GNB1: variants seen among roughly 807,000 people sequenced by gnomAD.
The protein encoded by GNB1 is G protein subunit beta 1, also known as guanine nucleotide-binding protein G(I)/G(S)/G(T) subunit beta-1.
In GNB1, 2 loss-of-function variants were observed where a neutral mutation model predicts 42.9. The observed-to-expected ratio is 0.05, with a 90% CI of 0.02 to 0.15. GNB1 has a LOEUF of 0.15. GNB1 is among the 10% of genes least tolerant of loss of function. The pLI is 1.00. For synonymous variants in GNB1, 183 were observed against 174.7 expected (o/e 1.05, Z -0.38); for missense variants, 193 against 462.2 (o/e 0.42, Z 5.34).
chr1:1,890,225 T>C (rs979237600), intron 1 of GNB1: 9 of 152,154 alleles, frequency 5.9e-5, no homozygotes, highest in African/African-American at 1.9e-4. Context: ...CCGAAACCGT[T>C]ATTTTCCCAT....
intron 7 of GNB1, among the ~76,000 whole-genome samples, chr1:1,796,399 G>A (rs922198451): frequency 6.6e-6 from 1 of 152,216 alleles, no homozygotes; most frequent in Non-Finnish European, 1.5e-5. Flanking sequence ...AAATACCTGG[G>A]CTCCACTGTC....
chr1:1,889,725 G>C (rs192624980), intron 1 of GNB1, among the ~76,000 whole-genome samples: 2 of 151,172 alleles, frequency 1.3e-5, no homozygotes, highest in African/African-American at 4.9e-5. Flanking sequence ...TACTGCTTCT[G>C]CATGCTAACC....
chr1:1,832,402 T>A (rs1647089301), intron 2 of GNB1: 1 of 152,192 alleles, frequency 6.6e-6, no homozygotes, highest in Non-Finnish European at 1.5e-5. Flanking sequence ...TAAGACAGGC[T>A]CTGCTAAGGC....
At chr1:1,827,300 C>G (rs770795996) in intron 2 of GNB1, among the ~76,000 whole-genome samples, 3 of 152,222 alleles carry the variant, frequency 2.0e-5, no homozygotes, top group Non-Finnish European at 2.9e-5. Context: ...CACGAGCACG[C>G]AGACCAGGCA....
Position 1,825,604 on chromosome 1 carries a change from C to A in GNB1, c.-46-105G>T. The A allele has an allele frequency of 7.3e-6, 5 of 683,952 alleles. No homozygotes were observed. The South Asian group carries it at 7.9e-5, about 11-fold the overall frequency. 42.4% of individuals were successfully genotyped at this position (683,952 alleles called of 1,614,324 possible). On this transcript the variant is annotated intron_variant, in intron 2 of 11. Coordinates refer to ENST00000378609, the MANE Select transcript of GNB1 (RefSeq NM_002074.5). ...TTTAAGGTGGGCGTGGTGGCTCAAG[C>A]CTGTAATCCCAGCACTTTGGGAGGC...
chr1:1,788,627 C>T (rs1646438202), intron 10 of GNB1: 1 of 177,950 alleles, frequency 5.6e-6, no homozygotes, highest in Non-Finnish European at 1.2e-5. Context: ...ATTCAAATGC[C>T]CAAATGACCA....
chr1:1,816,875 T>C (rs1646864556), intron 4 of GNB1, among the ~76,000 whole-genome samples: 2 of 152,152 alleles, frequency 1.3e-5, no homozygotes. Flanking sequence ...CTCGAACTCC[T>C]GACCTCAAGT....
intron 7 of GNB1, among the ~76,000 whole-genome samples, chr1:1,800,351 T>C (rs1646607092): frequency 6.6e-6 from 1 of 152,044 alleles, no homozygotes; most frequent in African/African-American, 2.4e-5. Context: ...ATAAAAGCAA[T>C]AGAAACTCTA....
intron 1 of GNB1, among the ~76,000 whole-genome samples, chr1:1,875,983 G>A (rs1413930489): frequency 6.6e-6 from 1 of 152,148 alleles, no homozygotes; most frequent in Non-Finnish European, 1.5e-5. Context: ...TATAAGGTGA[G>A]TAGAGACACT....
At chr1:1,825,188 A>G (rs1646980557) in intron 3 of GNB1, 5 of 550,136 alleles carry the variant, frequency 9.1e-6, no homozygotes, top group Admixed American at 6.1e-5. Flanking sequence ...GTATATTCAA[A>G]TAACAAATTG....
chr1:1,835,438 G>A (rs1389042340), intron 2 of GNB1, among the ~76,000 whole-genome samples: 1 of 152,144 alleles, frequency 6.6e-6, no homozygotes, highest in Non-Finnish European at 1.5e-5. Context: ...TTAGAACCAT[G>A]ACTGACACAG....
intron 1 of GNB1, among the ~76,000 whole-genome samples, chr1:1,845,824 T>TAC (rs55953457): frequency 0.067 from 9,362 of 140,000 alleles, 456 homozygotes; most frequent in African/African-American, 0.11. Context: ...TGTAAGTCCA[T>TAC]ACACACACAC....
intron 1 of GNB1, among the ~76,000 whole-genome samples, chr1:1,881,420 A>ATTTTTTTTTTTTTT (rs532230482): frequency 8.0e-6 from 1 of 125,058 alleles, no homozygotes; most frequent in African/African-American, 2.5e-5. Flanking sequence ...GTAAAAGTTC[A>ATTTTTTTTTTTTTT]TTTTTTTCTT....
intron 2 of GNB1, among the ~76,000 whole-genome samples, chr1:1,826,705 T>C (rs972402115): frequency 3.9e-5 from 6 of 152,186 alleles, no homozygotes; most frequent in African/African-American, 4.8e-5. Context: ...TTGATCCTTA[T>C]AGGTGCAGGC....
chr1:1,812,393 T>TAC (rs1264211536), intron 5 of GNB1, among the ~76,000 whole-genome samples: 6 of 93,478 alleles, frequency 6.4e-5, no homozygotes, highest in African/African-American at 1.5e-4. Flanking sequence ...TGTATATATA[T>TAC]ACACACACAT....
At chr1:1,798,923 CTCTT>C (rs931566819) in intron 7 of GNB1, among the ~76,000 whole-genome samples, 2 of 122,138 alleles carry the variant, frequency 1.6e-5, no homozygotes, top group African/African-American at 5.1e-5. Context: ...CTCACAAACA[CTCTT>C]TTTTTTTTTT....
At chr1:1,842,899 C>T (rs536707043) in intron 1 of GNB1, among the ~76,000 whole-genome samples, 5 of 152,334 alleles carry the variant, frequency 3.3e-5, no homozygotes, top group African/African-American at 4.8e-5. Context: ...GGGGCAGGGT[C>T]CTATGAGCAT....
Position 1,856,833 on chromosome 1 carries a change from T to C in GNB1, c.-95-17595A>G, listed in dbSNP as rs187695923. Among the ~76,000 whole-genome samples, 386 of 152,320 alleles carry C rather than the reference T, an allele frequency of 2.5e-3. 8 individuals carry two copies. Among genetic ancestry groups the C allele is most frequent in the Admixed American group, 0.022 (335 of 15,290 alleles). On this transcript the variant is annotated intron_variant, in intron 1 of 11. Transcript: ENST00000378609. ...CCAAGAATGTAATTTCTGAAAACAG[T>C]TGATATTTCATTTAAAACAAAAAAT... is the stretch of plus-strand genomic sequence containing the variant.
chr1:1,808,935 C>T (rs1052691163), intron 5 of GNB1, among the ~76,000 whole-genome samples: 1 of 152,110 alleles, frequency 6.6e-6, no homozygotes, highest in Non-Finnish European at 1.5e-5. Flanking sequence ...TAAGCCACAG[C>T]GCCTCAAAAC....
Sources: allele counts gnomAD v4.1 joint callset (sites outside exome capture counted in the v4.1 genomes callset), GRCh38; gene constraint gnomAD v4.1.1; transcripts MANE v1.5; gene names NCBI Gene and HGNC (gene_info 2026-07-23, HGNC 2026-07-21).